SRPK1: variants seen among roughly 807,000 people sequenced by gnomAD.
SRPK1 encodes the protein SFRS protein kinase 1.
In SRPK1, 52 loss-of-function variants were observed where a neutral mutation model predicts 89.5. That is an observed-to-expected ratio of 0.58 (90% CI 0.46 to 0.73). SRPK1 has a LOEUF of 0.73. SRPK1 is among the 30% of genes least tolerant of loss of function. The probability of loss-of-function intolerance (pLI) is 0.00; values close to 1 mark genes in which losing one functional copy is unlikely to be tolerated. For missense variants in SRPK1, 603 were observed against 780.6 expected (o/e 0.77, Z 2.71); for synonymous variants, 255 against 270.2 (o/e 0.94, Z 0.55).
intron 5 of SRPK1, 60 bp from the exon 6 acceptor site, chr6:35,886,871 T>G: frequency 1.1e-6 from 1 of 929,008 alleles, no homozygotes; most frequent in Non-Finnish European, 1.8e-6. Context: ...AACCAGATGG[T>G]AGGGGAAGAA....
At chr6:35,890,824 G>C in intron 3 of SRPK1, 71 bp downstream of exon 3, 4 of 1,375,018 alleles carry the variant, frequency 2.9e-6, no homozygotes, top group African/African-American at 3.2e-5. Context: ...TATGCTGATA[G>C]ATCAAACATC....
chr6:35,882,086 CAGTAGT>C (rs1020007444), intron 6 of SRPK1, among the ~76,000 whole-genome samples: 12 of 148,438 alleles, frequency 8.1e-5, no homozygotes, highest in African/African-American at 3.0e-4. Context: ...GTAGTAGTAG[CAGTAGT>C]AGTAGTAGCA....
chr6:35,882,004 C>G (rs1219397733), intron 6 of SRPK1, among the ~76,000 whole-genome samples: 2 of 147,834 alleles, frequency 1.4e-5, no homozygotes, highest in Non-Finnish European at 3.0e-5. Flanking sequence ...GTGTATTTTA[C>G]CACAATAAAG....
intron 2 of SRPK1, among the ~76,000 whole-genome samples, chr6:35,907,793 G>C (rs180767182): frequency 3.3e-5 from 5 of 152,306 alleles, no homozygotes; most frequent in Admixed American, 2.0e-4. Flanking sequence ...ATATAGTTTG[G>C]CTCTGTGTCT....
At chr6:35,858,129 T>C (rs1487422849) in intron 12 of SRPK1, among the ~76,000 whole-genome samples, 1 of 152,160 alleles carries the variant, frequency 6.6e-6, no homozygotes, top group Non-Finnish European at 1.5e-5. Context: ...TTCAAATATA[T>C]ACAAAAGTAG....
Position 35,890,959 on chromosome 6 carries a change from CTCTGGTAGA to C in SRPK1, c.120_128del (p.Asp40_Pro42del). On this transcript the variant is annotated inframe_deletion, in exon 3 of 16. Transcript: ENST00000373825. ...CAGATCCCAGAATCTCCTCTTCCTGCTCTGGTAGATCACTCTCAGAGTGGGGAGCAGAGC... is the reference window on the plus strand; with the variant it reads ...CAGATCCCAGAATCTCCTCTTCCTGCTCACTCTCAGAGTGGGGAGCAGAGC... The C allele has an allele frequency of 6.4e-7, 1 of 1,554,418 alleles. No individual in the cohort carries two copies.
Position 35,849,117 on chromosome 6 carries a change from T to C in SRPK1, c.1621-6513A>G, listed in dbSNP as rs190741964. ...ATAGGGGTTAATATCCAAAATAATA[T>C]GGAACTCAACTCAATAGCAAGAAAA... On this transcript the variant is annotated intron_variant, in intron 13 of 15. Transcript: ENST00000373825. Among the ~76,000 whole-genome samples, 306 of 152,168 alleles carry C rather than the reference T, an allele frequency of 2.0e-3. 2 individuals carry two copies. The highest frequency in any genetic ancestry group is 7.0e-3 in the African/African-American group (289 of 41,508).
intron 2 of SRPK1, among the ~76,000 whole-genome samples, chr6:35,899,530 G>A (rs554803462): frequency 6.6e-6 from 1 of 152,314 alleles, no homozygotes; most frequent in South Asian, 2.1e-4. Flanking sequence ...GAACCGGGAT[G>A]TGTACAAGGT....
intron 13 of SRPK1, among the ~76,000 whole-genome samples, chr6:35,847,070 G>A (rs1231362381): frequency 1.3e-5 from 2 of 152,162 alleles, no homozygotes; most frequent in Non-Finnish European, 2.9e-5. Context: ...AAAATTGAAA[G>A]CTTTTCCTCT....
Position 35,833,348 on chromosome 6 carries a change from C to G in SRPK1, c.*1956G>C, listed in dbSNP as rs184525453. The G allele has an allele frequency of 6.6e-6, 1 of 152,510 alleles. No individual in the cohort carries two copies. The highest frequency in any genetic ancestry group is 1.9e-4 in the East Asian group (1 of 5,190). The allele number at this position is 152,510 out of a possible 1,614,324, so 9.4% of individuals were successfully genotyped here. Reference sequence around the variant, plus strand: ...AAGTTACAGGTTCTATTAAAACTTACTGTCACATCAACTGTTAAAATAGGG... The same window carrying G: ...AAGTTACAGGTTCTATTAAAACTTAGTGTCACATCAACTGTTAAAATAGGG... On this transcript the variant is annotated 3_prime_UTR_variant, in exon 16 of 16. Coordinates refer to ENST00000373825, the MANE Select transcript of SRPK1 (RefSeq NM_003137.5).
At position 35,833,264 on chromosome 6, in the gene SRPK1, A is replaced by C. The variant is rs1769100571; in HGVS notation, c.*2040T>G. On this transcript the variant is annotated 3_prime_UTR_variant, in exon 16 of 16. Transcript: ENST00000373825. ...TGCCTATTTCCACATCTTTCAATCC[A>C]TCTGGCTCCTTAAATAGGGGAAAAA... The C allele has an allele frequency of 6.6e-6, 1 of 152,618 alleles. No individual in the cohort carries two copies. The highest frequency in any genetic ancestry group is 1.5e-5 in the Non-Finnish European group (1 of 68,034). The allele number at this position is 152,618 out of a possible 1,614,324, so 9.5% of individuals were successfully genotyped here. A position where few individuals can be genotyped will look rare whatever the true frequency, so the allele number is the denominator to read the frequency against.
intron 2 of SRPK1, among the ~76,000 whole-genome samples, chr6:35,903,022 T>A (rs954060312): frequency 6.6e-6 from 1 of 151,882 alleles, no homozygotes; most frequent in East Asian, 1.9e-4. Flanking sequence ...CTCACACCTA[T>A]AATCCCAGCA....
At chr6:35,838,486 C>T in intron 14 of SRPK1, 57 bp from the exon 15 acceptor site, 1 of 1,454,038 alleles carries the variant, frequency 6.9e-7, no homozygotes, top group East Asian at 2.4e-5. Flanking sequence ...ACAAGAGTAA[C>T]AAATGCAGCT....
At chr6:35,907,618 T>C (rs990685403) in intron 2 of SRPK1, among the ~76,000 whole-genome samples, 4 of 151,734 alleles carry the variant, frequency 2.6e-5, no homozygotes, top group Non-Finnish European at 5.9e-5. Flanking sequence ...GGCAGGAGAA[T>C]CACTTGAACC....
intron 13 of SRPK1, among the ~76,000 whole-genome samples, chr6:35,855,802 T>C (rs1581997361): frequency 1.3e-5 from 2 of 152,210 alleles, no homozygotes; most frequent in East Asian, 3.8e-4. Flanking sequence ...TGGTGCGATC[T>C]TGGCTCACTG....
intron 15 of SRPK1, among the ~76,000 whole-genome samples, chr6:35,837,135 T>C (rs1015142450): frequency 6.6e-5 from 10 of 152,190 alleles, no homozygotes; most frequent in Non-Finnish European, 1.5e-4. Context: ...AGAAATATAT[T>C]ATCAAGTCAA....
intron 13 of SRPK1, among the ~76,000 whole-genome samples, chr6:35,845,288 ATTGT>A (rs1219384210): frequency 6.6e-6 from 1 of 152,214 alleles, no homozygotes; most frequent in Non-Finnish European, 1.5e-5. Context: ...ATGTAGGTTC[ATTGT>A]TTGTAACAAA....
chr6:35,868,460 C>T (rs917339996), intron 12 of SRPK1, among the ~76,000 whole-genome samples: 1 of 152,228 alleles, frequency 6.6e-6, no homozygotes, highest in Non-Finnish European at 1.5e-5. Context: ...TAGGACATGT[C>T]CTAAGAAAAA....
rs555307812 is a variant in SRPK1, at chr6:35,857,707, A to G, written c.1513-339T>C. On this transcript the variant is annotated intron_variant, in intron 12 of 15. Coordinates refer to ENST00000373825, the MANE Select transcript of SRPK1 (RefSeq NM_003137.5). The stretch of plus-strand genomic sequence containing the variant: ...GGACTCAAACTCCTGGGCTCAAGTG[A>G]TCCACCCACCTTGGCCTCCCAAAGT... Among the ~76,000 whole-genome samples the G allele has an allele frequency of 4.6e-5, 7 of 152,326 alleles. No individual in the cohort carries two copies. The South Asian group carries it at 1.5e-3, about 32-fold the overall frequency.
Sources: allele counts gnomAD v4.1 joint callset (sites outside exome capture counted in the v4.1 genomes callset), GRCh38; gene constraint gnomAD v4.1.1; transcripts MANE v1.5; gene names NCBI Gene and HGNC (gene_info 2026-07-23, HGNC 2026-07-21).